Variants in MTHFD1 observed in about 807,000 individuals in gnomAD.
MTHFD1 encodes methylenetetrahydrofolate dehydrogenase, cyclohydrolase and formyltetrahydrofolate synthetase 1.
A neutral mutation model predicts 110.3 loss-of-function variants in MTHFD1; 44 were observed. That is an observed-to-expected ratio of 0.40 (90% CI 0.31 to 0.51). The LOEUF is 0.51. MTHFD1 is among the 20% of genes least tolerant of loss of function. The pLI, the probability that MTHFD1 is intolerant of heterozygous loss-of-function variation, is 0.60. For missense variants in MTHFD1, 909 were observed against 1,173.1 expected, an observed-to-expected ratio of 0.77 and a Z score of 3.29; for synonymous variants, 402 against 428.8, an observed-to-expected ratio of 0.94 and a Z score of 0.77.
chr14:64,452,460 T>A (rs1006295641), intron 24 of MTHFD1, among the ~76,000 whole-genome samples: 3 of 152,206 alleles, frequency 2.0e-5, no homozygotes, highest in Non-Finnish European at 4.4e-5. Flanking sequence ...TGAATCTTAA[T>A]GCCCTGAACT....
intron 22 of MTHFD1, chr14:64,447,960 T>C (rs1159059200): frequency 1.9e-6 from 1 of 521,710 alleles, no homozygotes; most frequent in Non-Finnish European, 3.5e-6. Flanking sequence ...ACATACCAGC[T>C]CTTTTTTTCT....
At chr14:64,444,922 A>T (rs950856712) in intron 22 of MTHFD1, 188 bp downstream of exon 22, 2 of 646,112 alleles carry the variant, frequency 3.1e-6, no homozygotes, top group Non-Finnish European at 2.8e-6. Context: ...CTCACAAAAT[A>T]GAATTGTCCC....
At chr14:64,437,897 G>A (rs1162823363) in intron 16 of MTHFD1, among the ~76,000 whole-genome samples, 1 of 152,058 alleles carries the variant, frequency 6.6e-6, no homozygotes, top group Non-Finnish European at 1.5e-5. Flanking sequence ...TTTTGAGACG[G>A]AGTTTTGTTC....
rs1335318403 is a variant in MTHFD1 at position 64,417,964 on chromosome 14, T to G, written c.555T>G (p.Leu185=). The change falls in exon 7 of 28, where the codon CTT becomes CTG. Residue 185 remains leucine, a synonymous_variant. Transcript: ENST00000652337. The surrounding 1 kb of genome is among the most constrained non-coding windows in gnomAD (Gnocchi z 4.4). ...TTGGGGCCCCGATGCATGACTTGCTTCTGTGGAACAATGCCACAGTGACCA... is the reference window on the plus strand; with the variant it reads ...TTGGGGCCCCGATGCATGACTTGCTGCTGTGGAACAATGCCACAGTGACCA... ...KIVGAPMHDL[L]LWNNATVTTC... is the part of the protein sequence containing the mutation. 1 of 1,614,092 alleles carries G rather than the reference T, an allele frequency of 6.2e-7. No homozygotes were observed. Among genetic ancestry groups the G allele is most frequent in the African/African-American group, 1.3e-5 (1 of 75,020 alleles).
intron 13 of MTHFD1, 124 bp from the exon 14 acceptor site, chr14:64,431,408 C>T (rs1347673446): frequency 1.3e-6 from 1 of 784,488 alleles, no homozygotes; most frequent in African/African-American, 1.7e-5. Context: ...GGGTGTTTGT[C>T]CACTAACTGG....
At chr14:64,458,562 G>T in intron 27 of MTHFD1, 1 of 508,966 alleles carries the variant, frequency 2.0e-6, no homozygotes, top group Non-Finnish European at 3.6e-6. Flanking sequence ...GGAGAAAACT[G>T]CTGTCCAATA....
At chr14:64,394,252 G>T (rs772039271) in intron 1 of MTHFD1, among the ~76,000 whole-genome samples, 9 of 152,160 alleles carry the variant, frequency 5.9e-5, no homozygotes, top group Admixed American at 3.3e-4. Flanking sequence ...CAGAAGCTAA[G>T]TGACTTGCCC....
In MTHFD1 at chr14:64,388,423, A is replaced by T. The variant is rs757439642; in HGVS notation, c.-5A>T. The T allele has an allele frequency of 3.1e-6, 5 of 1,614,052 alleles. No homozygotes were observed. In the South Asian group the frequency reaches 4.4e-5, roughly 14 times the overall value. On this transcript the variant is annotated 5_prime_UTR_variant, in exon 1 of 28. It adds an upstream start codon to the 5' untranslated region. Transcript: ENST00000652337. The stretch of plus-strand genomic sequence containing the variant: ...TCCATCGTGGGCAGCGGACTAATAA[A>T]GGCCATGGCGCCAGCAGAAATCCTG...
At chr14:64,406,041 A>AT (rs1321386724) in intron 2 of MTHFD1, among the ~76,000 whole-genome samples, 33 of 137,168 alleles carry the variant, frequency 2.4e-4, no homozygotes, top group Non-Finnish European at 4.5e-4. Flanking sequence ...AATTATTATT[A>AT]TTATTATTTT....
chr14:64,421,716 C>CCT (rs2078073092), intron 8 of MTHFD1, among the ~76,000 whole-genome samples: 3 of 151,818 alleles, frequency 2.0e-5, no homozygotes, highest in Admixed American at 6.6e-5. Context: ...CTCCGCCTTG[C>CCT]GGGTTCATGC....
chr14:64,440,691 C>T (rs759107413), intron 18 of MTHFD1: 36 of 279,242 alleles, frequency 1.3e-4, no homozygotes, highest in Non-Finnish European at 2.4e-4. Flanking sequence ...CTTTGGAAGA[C>T]ACATATTGAG....
At chr14:64,406,258 TG>T (rs2077935014) in intron 2 of MTHFD1, among the ~76,000 whole-genome samples, 1 of 151,552 alleles carries the variant, frequency 6.6e-6, no homozygotes, top group Non-Finnish European at 1.5e-5. Context: ...AGGCTGGTCT[TG>T]AACTCCTGAC....
At chr14:64,441,578 GGGCA>G (rs2078248136) in intron 19 of MTHFD1, 125 bp downstream of exon 19, 1 of 796,524 alleles carries the variant, frequency 1.3e-6, no homozygotes, top group African/African-American at 1.7e-5. Context: ...AGGCCAAGGT[GGGCA>G]GATCACAAGG....
In MTHFD1 at chr14:64,442,261, A is replaced by G; in HGVS notation, c.1997-2A>G. On this transcript the variant is annotated splice_acceptor_variant, in intron 20 of 27. Coordinates refer to ENST00000652337, the MANE Select transcript of MTHFD1 (RefSeq NM_005956.4). LOFTEE classifies it high-confidence loss of function. ...TTTTTACTGTTGCTTTCCTCTTTAC[A>G]GTGACGGAAGCAGGATTTGGAGCAG... The G allele has an allele frequency of 6.2e-7, 1 of 1,614,244 alleles. No individual in the cohort carries two copies.
At chr14:64,407,685 G>GACTA (rs2077945921) in intron 2 of MTHFD1, among the ~76,000 whole-genome samples, 1 of 151,608 alleles carries the variant, frequency 6.6e-6, no homozygotes, top group South Asian at 2.1e-4. Context: ...AATGAGCTGG[G>GACTA]ACTACAGGCA....
At chr14:64,435,425 G>A (rs2078198668) in intron 15 of MTHFD1, 144 bp from the exon 16 acceptor site, 1 of 678,600 alleles carries the variant, frequency 1.5e-6, no homozygotes, top group Non-Finnish European at 2.7e-6. Context: ...ATAACCCCCA[G>A]CTTTCAGTTT....
In MTHFD1 at chr14:64,425,901, A is replaced by C; in HGVS notation, c.953+74A>C. On this transcript the variant is annotated intron_variant, in intron 10 of 27. Coordinates refer to ENST00000652337, the MANE Select transcript of MTHFD1 (RefSeq NM_005956.4). The stretch of plus-strand genomic sequence containing the variant: ...TAGTTGACAGATACTGTGGGTTCAC[A>C]TATGCTCCCTCTGAAGGTGCCTTCA... 1.9e-6 allele frequency: 3 copies of C among 1,569,786 alleles called. No homozygotes were observed. In the South Asian group the frequency reaches 3.3e-5, roughly 17 times the overall value.
rs904001215 is a variant in MTHFD1 at position 64,458,388 on chromosome 14, A to G, written c.*4+81A>G. Reference sequence around the variant, plus strand: ...ATTATAGGGCTCAAACTGACGCTATAAAAATTCACATTCTAATGCTTTCAA... The same window carrying G: ...ATTATAGGGCTCAAACTGACGCTATGAAAATTCACATTCTAATGCTTTCAA... On this transcript the variant is annotated intron_variant, in intron 27 of 27. Coordinates refer to ENST00000652337, the MANE Select transcript of MTHFD1 (RefSeq NM_005956.4). 1.1e-5 allele frequency: 10 copies of G among 925,058 alleles called. No individual in the cohort carries two copies. In the African/African-American group the frequency reaches 1.6e-4, roughly 15 times the overall value. 57.3% of individuals were successfully genotyped at this position (925,058 alleles called of 1,614,324 possible).
rs181436340 is a variant in MTHFD1, at chr14:64,423,209, C to T, written c.728-1595C>T. On this transcript the variant is annotated intron_variant, in intron 8 of 27. Transcript: ENST00000652337. ...AACCATCCCAATGAGTTGTGTTGAC[C>T]AGCTCCTTTTACTCCATATAAAAAA... is the stretch of plus-strand genomic sequence containing the variant. 4.6e-5 allele frequency among the ~76,000 whole-genome samples: 7 copies of T among 152,188 alleles called. No homozygotes were observed. In the East Asian group the frequency reaches 1.3e-3, roughly 29 times the overall value.
Sources: allele counts gnomAD v4.1 joint callset (sites outside exome capture counted in the v4.1 genomes callset), GRCh38; gene constraint gnomAD v4.1.1; non-coding constraint Gnocchi (gnomAD v3.1); transcripts MANE v1.5; gene names NCBI Gene and HGNC (gene_info 2026-07-23, HGNC 2026-07-21).